Variants in DENND4B observed in about 807,000 individuals in gnomAD.
DENND4B encodes DENN domain-containing protein 4B.
In DENND4B, 67 loss-of-function variants were observed where a neutral mutation model predicts 161.0. The observed-to-expected ratio is 0.42, with a 90% CI of 0.34 to 0.51. The LOEUF is 0.51. Among genes scored for constraint, DENND4B ranks in the 20% least tolerant of loss-of-function variants. The pLI is 0.08. For missense variants in DENND4B, 1,481 were observed against 1,968.0 expected (o/e 0.75, Z 4.68); for synonymous variants, 753 against 813.8 (o/e 0.93, Z 1.27).
rs752010921 is a variant in DENND4B, at chr1:153,930,850, G to A, written c.4122C>T (p.Ile1374=). The change falls in exon 26 of 28, where the codon ATC becomes ATT. Residue 1374 remains isoleucine, a synonymous_variant. Coordinates refer to ENST00000361217, the MANE Select transcript of DENND4B (RefSeq NM_014856.3). This position sits in a 1 kb window ranked among gnomAD's most constrained non-coding sequence, Gnocchi z 4.7. ...GGCCTGGCCATACCACCCGCTGGGG[G>A]ATCTGGCCTGGATGAAAGGAAAGAA... ...LYVLWRVHSQ[I]PQRVVWPGPV... 6.3e-7 allele frequency: 1 copy of A among 1,597,724 alleles called. No homozygotes were observed. The highest frequency in any genetic ancestry group is 2.3e-5 in the East Asian group (1 of 44,348).
chr1:153,940,336 T>C lies in DENND4B; in HGVS notation c.1503-80A>G. ...GGTTCCTTGCCAGCCTCCCTCACTTTGTGCCTGAAGCTCTTTTTGAGCCCG... is the reference window on the plus strand; with the variant it reads ...GGTTCCTTGCCAGCCTCCCTCACTTCGTGCCTGAAGCTCTTTTTGAGCCCG... On this transcript the variant is annotated intron_variant, in intron 10 of 27. Coordinates refer to ENST00000361217, the MANE Select transcript of DENND4B (RefSeq NM_014856.3). The surrounding 1 kb of genome is among the most constrained non-coding windows in gnomAD (Gnocchi z 5.6). 2 of 1,564,142 alleles carry C rather than the reference T, an allele frequency of 1.3e-6. No individual in the cohort carries two copies. Among genetic ancestry groups the C allele is most frequent in the Non-Finnish European group, 1.7e-6 (2 of 1,151,550 alleles).
In DENND4B at chr1:153,942,252, C is replaced by A; in HGVS notation, c.745G>T (p.Ala249Ser). The change falls in exon 5 of 28, where the codon GCC becomes TCC. Residue 249 changes from alanine to serine, a missense_variant. By Grantham distance (99) the Ala-to-Ser change is moderately conservative. Transcript: ENST00000361217. The surrounding 1 kb of genome is among the most constrained non-coding windows in gnomAD (Gnocchi z 6.9). ...PMGATIECWP[A>S]QTKYPVPVFS... The stretch of plus-strand genomic sequence containing the variant: ...ACGGGCACGGGGTACTTGGTCTGGG[C>A]AGGCCAGCACTCGATAGTGGCCCCC... 6.2e-7 allele frequency: 1 copy of A among 1,613,976 alleles called. No homozygotes were observed.
Position 153,934,865 on chromosome 1 carries a change from G to A in DENND4B, c.2668C>T (p.Pro890Ser), listed in dbSNP as rs1415646825. The A allele has an allele frequency of 6.2e-7, 1 of 1,613,608 alleles. No individual in the cohort carries two copies. Among genetic ancestry groups the A allele is most frequent in the Admixed American group, 1.7e-5 (1 of 60,016 alleles). The stretch of plus-strand genomic sequence containing the variant: ...TGCTGCTGTTGCCGTTCTCTCAAGG[G>A]CTGGCGGAACTGAGCAGCCCCCAGG... ...VVLGAAQFRQPLRERQQQQQQ... is the reference protein window; with the variant it reads ...VVLGAAQFRQSLRERQQQQQQ... Residue 890 changes from proline (P) to serine (S), a missense_variant, in exon 18 of 28, where the codon CCC becomes TCC. By Grantham distance (74) the Pro-to-Ser change is moderately conservative. Around this residue, in one of 3 missense-constraint regions of DENND4B, gnomAD observed 339 missense variants for 330.3 expected, o/e 1.03. Transcript: ENST00000361217. The surrounding 1 kb of genome is among the most constrained non-coding windows in gnomAD (Gnocchi z 5.3).
At position 153,942,893 on chromosome 1, in the gene DENND4B, G is replaced by T; in HGVS notation, c.555C>A (p.Asn185Lys). ...TPHTYCRLPRNLNPGMWGPAV... is the reference protein window; with the variant it reads ...TPHTYCRLPRKLNPGMWGPAV... The stretch of plus-strand genomic sequence containing the variant: ...CCCCACTCACCATGCCAGGGTTGAG[G>T]TTGCGGGGCAGCCGGCAGTAAGTAT... The change falls in exon 3 of 28, where the codon AAC becomes AAA. Residue 185 changes from asparagine to lysine, a missense_variant. By Grantham distance (94) the Asn-to-Lys change is moderately conservative (BLOSUM62 0). Transcript: ENST00000361217. This position sits in a 1 kb window ranked among gnomAD's most constrained non-coding sequence, Gnocchi z 6.9. 1 of 1,601,162 alleles carries T rather than the reference G, an allele frequency of 6.2e-7. No homozygotes were observed.
rs773372989 is a variant in DENND4B at position 153,937,732 on chromosome 1, G to A, written c.2097C>T (p.Pro699=). 1.9e-6 allele frequency: 3 copies of A among 1,614,062 alleles called. No homozygotes were observed. The highest frequency in any genetic ancestry group is 2.5e-6 in the Non-Finnish European group (3 of 1,179,906). ...GGCTAAGAGACTCTCACCAGTACTG[G>A]GGAGTGGATTCACTGCCCTCTGGTA... ...PALPEGSEST[P]QYCYDGFPEL... The change falls in exon 14 of 28, where the codon CCC becomes CCT. Residue 699 remains proline (P), a synonymous_variant. Transcript: ENST00000361217. The surrounding 1 kb of genome is among the most constrained non-coding windows in gnomAD (Gnocchi z 4.7).
In DENND4B at chr1:153,946,066, G is replaced by A. The variant is rs1679948673; in HGVS notation, c.-24+235C>T. ...CGCCGCGTGACCCAAGCGGGAGGGAGGGCGGCTCCGACTCCGGCACCCACG... is the reference window on the plus strand; with the variant it reads ...CGCCGCGTGACCCAAGCGGGAGGGAAGGCGGCTCCGACTCCGGCACCCACG... On this transcript the variant is annotated intron_variant, in intron 1 of 27. Coordinates refer to ENST00000361217, the MANE Select transcript of DENND4B (RefSeq NM_014856.3). The surrounding 1 kb of genome is among the most constrained non-coding windows in gnomAD (Gnocchi z 6.3). Among the ~76,000 whole-genome samples, 1 of 152,174 alleles carries A rather than the reference G, an allele frequency of 6.6e-6. No homozygotes were observed. The highest frequency in any genetic ancestry group is 1.5e-5 in the Non-Finnish European group (1 of 68,012).
chr1:153,943,180 A>G, intron 2 of DENND4B, 50 bp from the exon 3 acceptor site: 1 of 1,567,028 alleles, frequency 6.4e-7, no homozygotes, highest in Non-Finnish European at 8.7e-7. Context: ...GTAGAGGACA[A>G]AGACCCAATC....
chr1:153,930,492 C>A lies in DENND4B; in HGVS notation c.4345+47G>T. The A allele has an allele frequency of 1.9e-6, 3 of 1,614,048 alleles. No homozygotes were observed. Among genetic ancestry groups the A allele is most frequent in the Non-Finnish European group, 2.5e-6 (3 of 1,179,894 alleles). The stretch of plus-strand genomic sequence containing the variant: ...ATGTTAGGACCGCAGCCTCCCACAC[C>A]TGGCCCCAGATCCCTAAACTCCTCA... On this transcript the variant is annotated intron_variant, in intron 27 of 27. Transcript: ENST00000361217. The surrounding 1 kb of genome is among the most constrained non-coding windows in gnomAD (Gnocchi z 4.7).
Position 153,930,631 on chromosome 1 carries a change from G to A in DENND4B, c.4281-28C>T, listed in dbSNP as rs965049029. 1.9e-6 allele frequency: 3 copies of A among 1,613,768 alleles called. No individual in the cohort carries two copies. Among genetic ancestry groups the A allele is most frequent in the Admixed American group, 3.3e-5 (2 of 59,974 alleles). On this transcript the variant is annotated intron_variant, in intron 26 of 27. Coordinates refer to ENST00000361217, the MANE Select transcript of DENND4B (RefSeq NM_014856.3). The surrounding 1 kb of genome is among the most constrained non-coding windows in gnomAD (Gnocchi z 4.7). ...TTAGTGGAGGCAGAAGTGTATGAGTGAGAGAAAAGGGGTGTGGAGCCCCGG... is the reference window on the plus strand; with the variant it reads ...TTAGTGGAGGCAGAAGTGTATGAGTAAGAGAAAAGGGGTGTGGAGCCCCGG...
rs1679860581 is a variant in DENND4B, at chr1:153,944,476, C to G, written c.-23-79G>C. The G allele has an allele frequency of 7.3e-7, 1 of 1,373,044 alleles. No homozygotes were observed. Among genetic ancestry groups the G allele is most frequent in the African/African-American group, 1.5e-5 (1 of 68,230 alleles). The allele number at this position is 1,373,044 out of a possible 1,614,324, so 85.1% of individuals were successfully genotyped here. On this transcript the variant is annotated intron_variant, in intron 1 of 27. Coordinates refer to ENST00000361217, the MANE Select transcript of DENND4B (RefSeq NM_014856.3). The surrounding 1 kb of genome is among the most constrained non-coding windows in gnomAD (Gnocchi z 4.8). ...GCAACCAGGGTACCCTCTTGCTCCCCTCCTCTTCCTAGTCCTTCCAAAGAA... is the reference window on the plus strand; with the variant it reads ...GCAACCAGGGTACCCTCTTGCTCCCGTCCTCTTCCTAGTCCTTCCAAAGAA...
In DENND4B at chr1:153,944,073, G is replaced by T. The variant is rs1299178847; in HGVS notation, c.302C>A (p.Pro101His). 1 of 1,573,642 alleles carries T rather than the reference G, an allele frequency of 6.4e-7. No individual in the cohort carries two copies. Among genetic ancestry groups the T allele is most frequent in the East Asian group, 2.3e-5 (1 of 43,808 alleles). Residue 101 changes from proline (P) to histidine (H), a missense_variant, in exon 2 of 28, where the codon CCC becomes CAC. Transcript: ENST00000361217. The surrounding 1 kb of genome is among the most constrained non-coding windows in gnomAD (Gnocchi z 4.8). ...GGGCACACACCCCAGCTCAACGAGGGGGGGCTTGTCACGGCCCCTGCGGTA... is the reference window on the plus strand; with the variant it reads ...GGGCACACACCCCAGCTCAACGAGGTGGGGCTTGTCACGGCCCCTGCGGTA... The part of the protein sequence containing the change: ...ICYRRGRDKP[P>H]LVELGVLYEG...
intron 12 of DENND4B, 79 bp from the exon 13 acceptor site, chr1:153,939,124 C>A: frequency 6.6e-7 from 1 of 1,522,350 alleles, no homozygotes; most frequent in Non-Finnish European, 8.9e-7. Flanking sequence ...TGAATCTCTT[C>A]TTGGCTCCCT....
intron 13 of DENND4B, 77 bp downstream of exon 13, chr1:153,938,823 T>C: frequency 6.6e-7 from 1 of 1,509,168 alleles, no homozygotes; most frequent in Non-Finnish European, 9.0e-7. Flanking sequence ...CCCGATTCCG[T>C]CTAAAATGGC....
Position 153,932,311 on chromosome 1 carries a change from G to A in DENND4B, c.3889C>T (p.His1297Tyr). Reference sequence around the variant, plus strand: ...AAAAGGTTCCAGAAGATGATGGGGTGGGCAGAGGGCAGTTCAGGCAACGCC... The same window carrying A: ...AAAAGGTTCCAGAAGATGATGGGGTAGGCAGAGGGCAGTTCAGGCAACGCC... ...VLALPELPSAHPIIFWNLLWY... is the reference protein window; with the variant it reads ...VLALPELPSAYPIIFWNLLWY... The change falls in exon 24 of 28, where the codon CAC becomes TAC. Residue 1297 changes from histidine (H) to tyrosine (Y), a missense_variant. By Grantham distance (83) the His-to-Tyr change is moderately conservative. Around this residue, in one of 3 missense-constraint regions of DENND4B, gnomAD observed 336 missense variants for 503.3 expected, o/e 0.67. Transcript: ENST00000361217. This position sits in a 1 kb window ranked among gnomAD's most constrained non-coding sequence, Gnocchi z 5.8. 2 of 1,613,954 alleles carry A rather than the reference G, an allele frequency of 1.2e-6. No homozygotes were observed. The highest frequency in any genetic ancestry group is 1.7e-6 in the Non-Finnish European group (2 of 1,179,860).
chr1:153,941,848 T>C (rs371908892), intron 6 of DENND4B, 21 bp downstream of exon 6: 16 of 1,367,748 alleles, frequency 1.2e-5, no homozygotes, highest in East Asian at 4.5e-5. Context: ...CCCTTCCCAA[T>C]GGCAGAGGAG....
chr1:153,940,670 G>C lies in DENND4B; in HGVS notation c.1327-64C>G. 6.4e-7 allele frequency: 1 copy of C among 1,563,314 alleles called. No homozygotes were observed. Among genetic ancestry groups the C allele is most frequent in the East Asian group, 2.4e-5 (1 of 42,498 alleles). The stretch of plus-strand genomic sequence containing the variant: ...TGAGGCAGCAGTGGGAGGCACAGGA[G>C]AGAGAAAGAGAGGGCATTGGCCTTG... On this transcript the variant is annotated intron_variant, in intron 9 of 27. Transcript: ENST00000361217. This position sits in a 1 kb window ranked among gnomAD's most constrained non-coding sequence, Gnocchi z 5.6.
rs1679994621 is a variant in DENND4B at position 153,946,707 on chromosome 1, T to G, written c.-430A>C. ...CCTCCTCGGCCGGCGGCCGTGACCC[T>G]GGCAAGCGTCTGCCCAAAGCCCAGC... On this transcript the variant is annotated 5_prime_UTR_variant, in exon 1 of 28. Transcript: ENST00000361217. The surrounding 1 kb of genome is among the most constrained non-coding windows in gnomAD (Gnocchi z 6.3). 5.4e-6 allele frequency: 2 copies of G among 371,040 alleles called. No homozygotes were observed. The highest frequency in any genetic ancestry group is 4.6e-5 in the Admixed American group (1 of 21,544). The allele number at this position is 371,040 out of a possible 1,614,324, so 23.0% of individuals were successfully genotyped here. A position where few individuals can be genotyped will look rare whatever the true frequency, so the allele number is the denominator to read the frequency against.
In DENND4B at chr1:153,936,640, C is replaced by T. The variant is rs760941560; in HGVS notation, c.2341G>A (p.Ala781Thr). The change falls in exon 16 of 28, where the codon GCC (alanine) becomes ACC (threonine). Residue 781 changes from alanine to threonine, a missense_variant. Coordinates refer to ENST00000361217, the MANE Select transcript of DENND4B (RefSeq NM_014856.3). This position sits in a 1 kb window ranked among gnomAD's most constrained non-coding sequence, Gnocchi z 4.1. ...CGGGAGGGTGCCGACCGCACATAGG[C>T]AGGCAGACACAGGAACCACAGCCCA... is the stretch of plus-strand genomic sequence containing the variant. ...CYGLWFLCLP[A>T]YVRSAPSRVQ... 6.2e-7 allele frequency: 1 copy of T among 1,613,608 alleles called. No homozygotes were observed. The highest frequency in any genetic ancestry group is 1.1e-5 in the South Asian group (1 of 91,010).
At position 153,936,777 on chromosome 1, in the gene DENND4B, G is replaced by GACACACC. The variant is rs757692754; in HGVS notation, c.2233-30_2233-29insGGTGTGT. 78 of 1,510,228 alleles carry GACACACC rather than the reference G, an allele frequency of 5.2e-5. No homozygotes were observed. Among genetic ancestry groups the GACACACC allele is most frequent in the Non-Finnish European group, 6.6e-5 (74 of 1,124,350 alleles). The allele number at this position is 1,510,228 out of a possible 1,614,324, so 93.6% of individuals were successfully genotyped here. On this transcript the variant is annotated intron_variant, in intron 15 of 27. Transcript: ENST00000361217. This position sits in a 1 kb window ranked among gnomAD's most constrained non-coding sequence, Gnocchi z 4.1. ...GGTAGGACAGGGGACACATCAGGGTGAGTACAATGCCAGGTCTTTCTTACT... is the reference window on the plus strand; with the variant it reads ...GGTAGGACAGGGGACACATCAGGGTGACACACCAGTACAATGCCAGGTCTTTCTTACT...
Sources: allele counts gnomAD v4.1 joint callset (sites outside exome capture counted in the v4.1 genomes callset), GRCh38; gene constraint gnomAD v4.1.1; regional missense constraint gnomAD v4.1.1; non-coding constraint Gnocchi (gnomAD v3.1); transcripts MANE v1.5; gene names NCBI Gene and HGNC (gene_info 2026-07-23, HGNC 2026-07-21).